TPR: variants seen among roughly 807,000 people sequenced by gnomAD.
The protein encoded by TPR is translocated promoter region, nuclear basket protein.
In TPR, 51 loss-of-function variants were observed where a neutral mutation model predicts 316.1. The ratio of observed to expected loss-of-function variants is 0.16; its 90% confidence interval spans 0.13 to 0.20. The LOEUF is 0.20. Among genes scored for constraint, TPR ranks in the 10% least tolerant of loss-of-function variants. The probability of loss-of-function intolerance (pLI) is 1.00; values close to 1 mark genes in which losing one functional copy is unlikely to be tolerated. For missense variants in TPR, 2,272 were observed against 2,754.8 expected, an observed-to-expected ratio of 0.82 and a Z score of 3.92; for synonymous variants, 981 against 914.7, an observed-to-expected ratio of 1.07 and a Z score of -1.31.
rs750937245 is a variant in TPR, at chr1:186,359,940, G to A, written c.1248C>T (p.Asn416=). The A allele has an allele frequency of 1.2e-6, 2 of 1,608,578 alleles. No homozygotes were observed. Among genetic ancestry groups the A allele is most frequent in the East Asian group, 4.5e-5 (2 of 44,708 alleles). ...CATCTAGGTACTTATTAATTCTTTT[G>A]TTCTCTAGTTTCTCCAAAAGCAACT... ...QDQLLLEKLE[N]KRINKYLDEI... Residue 416 remains asparagine (N), a synonymous_variant, in exon 12 of 51, where the codon AAC becomes AAT. Coordinates refer to ENST00000367478, the MANE Select transcript of TPR (RefSeq NM_003292.3).
At chr1:186,364,949 C>T (rs1286820699) in intron 4 of TPR, among the ~76,000 whole-genome samples, 3 of 152,052 alleles carry the variant, frequency 2.0e-5, no homozygotes, top group East Asian at 3.9e-4. Flanking sequence ...GCTTTTAACC[C>T]CAGGGCCCAA....
At position 186,317,586 on chromosome 1, in the gene TPR, G is replaced by A. The variant is rs1381167593; in HGVS notation, c.6836C>T (p.Ala2279Val). The change falls in exon 49 of 51, where the codon GCA (alanine) becomes GTA (valine). Residue 2279 changes from alanine (A) to valine (V), a missense_variant. Ala to Val is a moderately conservative substitution (Grantham distance 64). Around this residue, in one of 10 missense-constraint regions of TPR, gnomAD observed 123 missense variants for 142.3 expected, o/e 0.86. Coordinates refer to ENST00000367478, the MANE Select transcript of TPR (RefSeq NM_003292.3). ...EAESEGISSE[A>V]GLEIDSQQEE... Reference sequence around the variant, plus strand: ...CTGCTGGCTATCAATTTCTAGGCCTGCTTCTGAACTAATACTAAGGAAAAG... The same window carrying A: ...CTGCTGGCTATCAATTTCTAGGCCTACTTCTGAACTAATACTAAGGAAAAG... 1.9e-6 allele frequency: 3 copies of A among 1,613,962 alleles called. No homozygotes were observed. Among genetic ancestry groups the A allele is most frequent in the Non-Finnish European group, 2.5e-6 (3 of 1,179,928 alleles).
chr1:186,330,156 C>T (rs938539097), intron 39 of TPR, among the ~76,000 whole-genome samples: 1 of 152,102 alleles, frequency 6.6e-6, no homozygotes, highest in Admixed American at 6.6e-5. Context: ...TCAACTAAGA[C>T]AAACCCTAAG....
At chr1:186,359,753 C>T (rs1659127084) in intron 12 of TPR, 46 bp downstream of exon 12, 1 of 1,538,546 alleles carries the variant, frequency 6.5e-7, no homozygotes. Context: ...TAAATCATTT[C>T]TCATTTGTAT....
rs1216742185 is a variant in TPR, at chr1:186,312,628, A to T, written c.*1343T>A. ...TATTTATCAAGTACTTCTTACCAAG[A>T]ACATTATATACCAGTCTATAACCCT... On this transcript the variant is annotated 3_prime_UTR_variant, in exon 51 of 51. Coordinates refer to ENST00000367478, the MANE Select transcript of TPR (RefSeq NM_003292.3). 4 of 920,868 alleles carry T rather than the reference A, an allele frequency of 4.3e-6. No individual in the cohort carries two copies. The highest frequency in any genetic ancestry group is 6.8e-6 in the Non-Finnish European group (4 of 592,524). 57.0% of individuals were successfully genotyped at this position (920,868 alleles called of 1,614,324 possible). A position where few individuals can be genotyped will look rare whatever the true frequency, so the allele number is the denominator to read the frequency against.
chr1:186,342,300 G>A (rs1020561297), intron 27 of TPR: 1 of 149,452 alleles, frequency 6.7e-6, no homozygotes, highest in Non-Finnish European at 1.5e-5. Flanking sequence ...TATAATCTAT[G>A]TTACTTGTTG....
In TPR at chr1:186,338,240, T is replaced by C; in HGVS notation, c.4155A>G (p.Ser1385=). 6.3e-7 allele frequency: 1 copy of C among 1,595,680 alleles called. No homozygotes were observed. The highest frequency in any genetic ancestry group is 8.5e-7 in the Non-Finnish European group (1 of 1,174,638). The change falls in exon 31 of 51, where the codon TCA becomes TCG. Residue 1385 remains serine (S), a synonymous_variant. Transcript: ENST00000367478. ...IGRLKAEIAR[S]NASLTNNQNL... is the part of the protein sequence containing the mutation. ...TCTGGTTGTTAGTCAAAGATGCATT[T>C]GATCTTTAAAAAATGGAGGAAAGAA...
intron 19 of TPR, 47 bp from the exon 20 acceptor site, chr1:186,351,517 AC>A: frequency 6.7e-7 from 1 of 1,497,460 alleles, no homozygotes. Flanking sequence ...AAAAGGCAAT[AC>A]AAAAAAATAA....
At position 186,360,370 on chromosome 1, in the gene TPR, C is replaced by T. The variant is rs765284673; in HGVS notation, c.1100-6G>A. ...TTCTTCAGACAATATGGCTCCTGTG[C>T]CAACAAATACACATCTAGTATAATT... On this transcript the variant is annotated splice_polypyrimidine_tract_variant and splice_region_variant and intron_variant, in intron 10 of 50. Coordinates refer to ENST00000367478, the MANE Select transcript of TPR (RefSeq NM_003292.3). 6.2e-7 allele frequency: 1 copy of T among 1,610,584 alleles called. No individual in the cohort carries two copies. The highest frequency in any genetic ancestry group is 2.2e-5 in the East Asian group (1 of 44,818).
chr1:186,339,598 A>G, intron 30 of TPR, 44 bp downstream of exon 30: 1 of 1,400,098 alleles, frequency 7.1e-7, no homozygotes, highest in Non-Finnish European at 9.3e-7. Context: ...AGTAAAATAA[A>G]CTTCTTTTAT....
In TPR at chr1:186,375,059, G is replaced by C; in HGVS notation, c.-31C>G. 1 of 1,613,542 alleles carries C rather than the reference G, an allele frequency of 6.2e-7. No homozygotes were observed. The highest frequency in any genetic ancestry group is 8.5e-7 in the Non-Finnish European group (1 of 1,179,898). ...TGGGGCCAGGGACCCCAGTGGCAGC[G>C]GCCGACGGGGTAGAAGCGGAGAAGA... On this transcript the variant is annotated 5_prime_UTR_variant, in exon 1 of 51. Coordinates refer to ENST00000367478, the MANE Select transcript of TPR (RefSeq NM_003292.3).
chr1:186,340,581 A>T (rs1400841632), intron 29 of TPR, among the ~76,000 whole-genome samples: 2 of 151,730 alleles, frequency 1.3e-5, no homozygotes, highest in Admixed American at 1.3e-4. Context: ...ACAGGCATGT[A>T]CCACCACGCC....
chr1:186,371,103 T>C (rs1659512336), intron 2 of TPR, 60 bp from the exon 3 acceptor site: 1 of 1,245,474 alleles, frequency 8.0e-7, no homozygotes, highest in Admixed American at 1.7e-5. Flanking sequence ...AATGAGTGTT[T>C]TTATGCAACT....
chr1:186,346,286 A>C lies in TPR; in HGVS notation c.2945T>G (p.Val982Gly), dbSNP rs749436643. ...LEESLNKEKQ[V>G]TEEVRKNIEV... ...AATATTCTTACGCACTTCTTCTGTC[A>C]CCTTTACCATATTACAAACAGTAGG... The change falls in exon 23 of 51, where the codon GTG (valine) becomes GGG (glycine). Residue 982 changes from valine (V) to glycine (G), a missense_variant and splice_region_variant. By Grantham distance (109) the Val-to-Gly change is moderately radical. This residue lies in a region of TPR where 757 missense variants were observed against 859.8 expected (regional missense o/e 0.88). Transcript: ENST00000367478. The C allele has an allele frequency of 6.2e-7, 1 of 1,611,186 alleles. No individual in the cohort carries two copies. Among genetic ancestry groups the C allele is most frequent in the Non-Finnish European group, 8.5e-7 (1 of 1,178,916 alleles).
At chr1:186,339,954 C>G (rs1658463166) in intron 29 of TPR, among the ~76,000 whole-genome samples, 182 bp from the exon 30 acceptor site, 1 of 151,712 alleles carries the variant, frequency 6.6e-6, no homozygotes, top group Non-Finnish European at 1.5e-5. Context: ...AGAAGTCTAC[C>G]CACAATACAA....
At chr1:186,372,469 G>C (rs1293540027) in intron 2 of TPR, among the ~76,000 whole-genome samples, 1 of 151,968 alleles carries the variant, frequency 6.6e-6, no homozygotes, top group African/African-American at 2.4e-5. Context: ...TTGAACCCAA[G>C]AGGCAGAGGT....
At chr1:186,333,866 T>C (rs563544802) in intron 36 of TPR, among the ~76,000 whole-genome samples, 3 of 152,288 alleles carry the variant, frequency 2.0e-5, no homozygotes, top group Non-Finnish European at 2.9e-5. Flanking sequence ...TAAGGAAATA[T>C]GCAGGTAGCA....
chr1:186,342,330 T>C (rs1658534657), intron 27 of TPR: 1 of 90,044 alleles, frequency 1.1e-5, no homozygotes, highest in Admixed American at 1.0e-4. Flanking sequence ...TTCCTGTATT[T>C]AAGGTTGGTT....
At chr1:186,357,994 A>T (rs1478857397) in intron 13 of TPR, among the ~76,000 whole-genome samples, 1 of 152,196 alleles carries the variant, frequency 6.6e-6, no homozygotes, top group African/African-American at 2.4e-5. Flanking sequence ...AACAAAAAGC[A>T]TATATATAAT....
Sources: allele counts gnomAD v4.1 joint callset (sites outside exome capture counted in the v4.1 genomes callset), GRCh38; gene constraint gnomAD v4.1.1; regional missense constraint gnomAD v4.1.1; transcripts MANE v1.5; gene names NCBI Gene and HGNC (gene_info 2026-07-23, HGNC 2026-07-21).